Variants in PCDHA11 observed in about 807,000 individuals in gnomAD.
PCDHA11 encodes protocadherin alpha-11.
In PCDHA11, 61 loss-of-function variants were observed where a neutral mutation model predicts 70.3. That is an observed-to-expected ratio of 0.87 (90% CI 0.71 to 1.07). PCDHA11 has a LOEUF of 1.07. Ranked by LOEUF, PCDHA11 falls within the 50% of genes least tolerant of loss-of-function variation. PCDHA11 has a pLI of 0.00. For missense variants in PCDHA11, 1,324 were observed against 1,237.5 expected (o/e 1.07, Z -1.05); for synonymous variants, 633 against 555.1 (o/e 1.14, Z -1.97).
At chr5:140,882,750 A>C (rs781948584) in intron 1 of PCDHA11, 3 of 1,614,128 alleles carry the variant, frequency 1.9e-6, no homozygotes, top group Non-Finnish European at 2.5e-6. Flanking sequence ...TCCGATGCAG[A>C]TATTGGAGTA....
chr5:140,895,857 G>C (rs1181424868), intron 1 of PCDHA11, among the ~76,000 whole-genome samples: 1 of 152,116 alleles, frequency 6.6e-6, no homozygotes, highest in Admixed American at 6.5e-5. Flanking sequence ...TGTACCCCAG[G>C]CTGGAGTGCA....
At chr5:140,893,264 A>G (rs1554185566) in intron 1 of PCDHA11, among the ~76,000 whole-genome samples, 1 of 152,172 alleles carries the variant, frequency 6.6e-6, no homozygotes, top group East Asian at 1.9e-4. Flanking sequence ...ATAAATGCCC[A>G]ATAGTGGAAT....
At chr5:140,937,302 G>T (rs1554211521) in intron 1 of PCDHA11, among the ~76,000 whole-genome samples, 4 of 152,094 alleles carry the variant, frequency 2.6e-5, no homozygotes, top group African/African-American at 9.7e-5. Flanking sequence ...CTCCCAAAGT[G>T]CTGGGATTAC....
chr5:140,897,455 T>C (rs1376435296), intron 1 of PCDHA11, among the ~76,000 whole-genome samples: 1 of 151,682 alleles, frequency 6.6e-6, no homozygotes, highest in Non-Finnish European at 1.5e-5. Flanking sequence ...TTTTTGTCCT[T>C]GCGATAGTTT....
intron 3 of PCDHA11, among the ~76,000 whole-genome samples, chr5:140,993,295 C>G (rs553867145): frequency 3.3e-5 from 5 of 152,090 alleles, no homozygotes; most frequent in African/African-American, 9.7e-5. Flanking sequence ...GGGTCACAAC[C>G]TTGCCTCCAG....
At chr5:140,936,512 A>G (rs575884793) in intron 1 of PCDHA11, among the ~76,000 whole-genome samples, 1 of 152,324 alleles carries the variant, frequency 6.6e-6, no homozygotes, top group Non-Finnish European at 1.5e-5. Context: ...TAGATCTTAA[A>G]TTACCTGAAA....
In PCDHA11 at chr5:140,927,773, A is replaced by G. The variant is rs143568645; in HGVS notation, c.2392-51176A>G. ...GTGCACCCTAAAAGTGGGGAGGTGC[A>G]AGTAGCTGCTTCACTAGGTCCGCCT... is the stretch of plus-strand genomic sequence containing the variant. On this transcript the variant is annotated intron_variant, in intron 1 of 3. Coordinates refer to ENST00000398640, the MANE Select transcript of PCDHA11 (RefSeq NM_018902.5). 201 of 1,614,196 alleles carry G rather than the reference A, an allele frequency of 1.2e-4. 4 individuals carry two copies. In the Middle Eastern group the frequency reaches 2.1e-3, roughly 17 times the overall value.
chr5:140,943,257 CAAA>C (rs1238620023), intron 1 of PCDHA11, among the ~76,000 whole-genome samples: 2 of 77,570 alleles, frequency 2.6e-5, no homozygotes. Flanking sequence ...GACTCTGTCT[CAAA>C]AAAAAAAAAA....
intron 1 of PCDHA11, among the ~76,000 whole-genome samples, chr5:140,959,785 C>T (rs976645506): frequency 3.5e-4 from 53 of 152,280 alleles, no homozygotes; most frequent in African/African-American, 1.2e-3. Context: ...TGTATATTAA[C>T]ATGGCTAATT....
intron 1 of PCDHA11, among the ~76,000 whole-genome samples, chr5:140,892,861 G>A (rs1422724084): frequency 2.6e-5 from 4 of 152,100 alleles, no homozygotes; most frequent in African/African-American, 9.7e-5. Flanking sequence ...TTCCTCCTGT[G>A]TAGCTATAAT....
chr5:140,889,409 A>C (rs1448554315), intron 1 of PCDHA11, among the ~76,000 whole-genome samples: 5 of 152,024 alleles, frequency 3.3e-5, no homozygotes, highest in African/African-American at 1.2e-4. Context: ...TACTCGAGTC[A>C]GTTACGTAGA....
chr5:140,987,040 C>G (rs916995346), intron 3 of PCDHA11, among the ~76,000 whole-genome samples: 1 of 151,880 alleles, frequency 6.6e-6, no homozygotes, highest in Non-Finnish European at 1.5e-5. Flanking sequence ...ATGGCGAAAC[C>G]CCATCTCTAC....
chr5:140,880,851 A>T lies in PCDHA11; in HGVS notation c.2391+9357A>T, dbSNP rs577713176. 2.0e-5 allele frequency among the ~76,000 whole-genome samples: 3 copies of T among 152,322 alleles called. No individual in the cohort carries two copies. In the South Asian group the frequency reaches 6.2e-4, roughly 32 times the overall value. On this transcript the variant is annotated intron_variant, in intron 1 of 3. Coordinates refer to ENST00000398640, the MANE Select transcript of PCDHA11 (RefSeq NM_018902.5). The stretch of plus-strand genomic sequence containing the variant: ...GCATATTTTAAATGGTTGACTATGT[A>T]GTCTAATTATGTGAAGAGGTAAATA...
chr5:140,980,963 A>T (rs1047334103), intron 2 of PCDHA11, among the ~76,000 whole-genome samples: 8 of 152,224 alleles, frequency 5.3e-5, no homozygotes, highest in African/African-American at 1.9e-4. Context: ...TTACACCTTC[A>T]TGAATCTGAC....
chr5:140,989,788 G>A (rs2097360346), intron 3 of PCDHA11, among the ~76,000 whole-genome samples: 2 of 152,158 alleles, frequency 1.3e-5, no homozygotes, highest in Admixed American at 1.3e-4. Context: ...GAGACTAGAG[G>A]CCCCCAGGAA....
At chr5:140,897,694 G>A (rs1091552) in intron 1 of PCDHA11, among the ~76,000 whole-genome samples, 2,266 of 152,206 alleles carry the variant, frequency 0.015, 53 homozygotes, top group African/African-American at 0.052. Context: ...AGTCCTTTGG[G>A]CATATACCCA....
At chr5:140,903,563 T>G (rs1459855021) in intron 1 of PCDHA11, among the ~76,000 whole-genome samples, 1 of 152,208 alleles carries the variant, frequency 6.6e-6, no homozygotes, top group African/African-American at 2.4e-5. Context: ...ATAAGTGGAA[T>G]TGGGAGCTGT....
At chr5:140,925,190 A>G (rs2082378036) in intron 1 of PCDHA11, among the ~76,000 whole-genome samples, 1 of 152,192 alleles carries the variant, frequency 6.6e-6, no homozygotes, top group Non-Finnish European at 1.5e-5. Context: ...ACCATCACCC[A>G]GCTTCAATAA....
At chr5:140,991,101 T>C (rs1281707030) in intron 3 of PCDHA11, among the ~76,000 whole-genome samples, 3 of 152,218 alleles carry the variant, frequency 2.0e-5, no homozygotes, top group African/African-American at 4.8e-5. Flanking sequence ...CTCATAAGAA[T>C]TAAGTGGCTT....
Sources: gnomAD v4.1 joint callset for allele counts (sites outside exome capture counted in the v4.1 genomes callset) on GRCh38, gnomAD v4.1.1 for gene constraint, MANE v1.5 for transcripts, NCBI Gene and HGNC (gene_info 2026-07-23, HGNC 2026-07-21) for gene names.